Variants in RSF1 observed in about 807,000 individuals in gnomAD.
The protein encoded by RSF1 is remodeling and spacing factor 1.
Under a neutral mutation model 145.2 loss-of-function variants are expected in RSF1, and 13 were observed. The observed-to-expected ratio is 0.09, with a 90% confidence interval of 0.06 to 0.14. The LOEUF (loss-of-function observed/expected upper bound fraction) is 0.14. RSF1 is among the 10% of genes least tolerant of loss of function. RSF1 has a pLI of 1.00. For synonymous variants in RSF1, 577 were observed against 592.6 expected, an observed-to-expected ratio of 0.97 and a Z score of 0.38; for missense variants, 1,517 against 1,718.2, an observed-to-expected ratio of 0.88 and a Z score of 2.07.
chr11:77,802,872 A>C (rs1418932181), intron 1 of RSF1, among the ~76,000 whole-genome samples: 1 of 152,092 alleles, frequency 6.6e-6, no homozygotes, highest in African/African-American at 2.4e-5. Flanking sequence ...CAAGAAAAAA[A>C]CTTTCAACAA....
At chr11:77,727,673 T>G (rs539250415) in intron 4 of RSF1, among the ~76,000 whole-genome samples, 5 of 152,122 alleles carry the variant, frequency 3.3e-5, no homozygotes, top group African/African-American at 1.2e-4. Flanking sequence ...AGAGATGAGG[T>G]TTCACCATGT....
In RSF1 at chr11:77,663,365, C is replaced by G. The variant is rs1406440091; in HGVS notation, c.*3552G>C. The stretch of plus-strand genomic sequence containing the variant: ...GTCCATGTTTTTCTTAATATGTGTA[C>G]TTTGCTCAAATGTATATTATAGGAT... On this transcript the variant is annotated 3_prime_UTR_variant, in exon 16 of 16. Coordinates refer to ENST00000308488, the MANE Select transcript of RSF1 (RefSeq NM_016578.4). 2 of 152,100 alleles carry G rather than the reference C, an allele frequency of 1.3e-5. No individual in the cohort carries two copies. The highest frequency in any genetic ancestry group is 6.6e-5 in the Admixed American group (1 of 15,258). The allele number at this position is 152,100 out of a possible 1,614,324, so 9.4% of individuals were successfully genotyped here. A position where few individuals can be genotyped will look rare whatever the true frequency, so the allele number is the denominator to read the frequency against.
intron 4 of RSF1, chr11:77,735,083 C>A: frequency 4.0e-6 from 4 of 996,664 alleles, no homozygotes; most frequent in Non-Finnish European, 6.2e-6. Context: ...GCTGGGGCGG[C>A]GGCAGGGGCC....
the RSF1 span, among the ~76,000 whole-genome samples, chr11:77,847,965 G>A: frequency 0.34 from 52,166 of 151,870 alleles, 9,142 homozygotes; most frequent in East Asian, 0.46. Context: ...CAGAAAAAAA[G>A]AGGCAAATTC....
chr11:77,700,740 G>T lies in RSF1; in HGVS notation c.2489C>A (p.Thr830Lys), dbSNP rs139422111. 5 of 1,584,282 alleles carry T rather than the reference G, an allele frequency of 3.2e-6. No individual in the cohort carries two copies. The highest frequency in any genetic ancestry group is 2.6e-6 in the Non-Finnish European group (3 of 1,172,984). Residue 830 changes from threonine to lysine, a missense_variant, in exon 6 of 16, where the codon ACA becomes AAA. Transcript: ENST00000308488. ...KEILKKSEKD[T>K]NSKVSKVKPK... The stretch of plus-strand genomic sequence containing the variant: ...TTTTACCTTGCTTACTTTAGAATTT[G>T]TATCTTTCTCTGATTTTTTCAAAAT...
rs1340403412 is a variant in RSF1, at chr11:77,700,755, T to C, written c.2474A>G (p.Lys825Arg). The C allele has an allele frequency of 6.3e-7, 1 of 1,587,688 alleles. No individual in the cohort carries two copies. Among genetic ancestry groups the C allele is most frequent in the African/African-American group, 1.4e-5 (1 of 73,126 alleles). Residue 825 changes from lysine (K) to arginine (R), a missense_variant, in exon 6 of 16, where the codon AAA (lysine) becomes AGA (arginine). This residue lies in a region of RSF1 where 579 missense variants were observed against 553.5 expected (regional missense o/e 1.05). Coordinates refer to ENST00000308488, the MANE Select transcript of RSF1 (RefSeq NM_016578.4). The part of the protein sequence containing the change: ...QKTDKKEILK[K>R]SEKDTNSKVS... ...TTTAGAATTTGTATCTTTCTCTGAT[T>C]TTTTCAAAATTTCCTTTTTGTCAGT...
intron 8 of RSF1, among the ~76,000 whole-genome samples, chr11:77,692,087 C>T (rs190395459): frequency 2.0e-5 from 3 of 152,028 alleles, no homozygotes; most frequent in Non-Finnish European, 2.9e-5. Context: ...GATGGGATAT[C>T]GTCATGTTGG....
At chr11:77,768,841 ACTGT>A (rs948790009) in intron 1 of RSF1, among the ~76,000 whole-genome samples, 7 of 152,172 alleles carry the variant, frequency 4.6e-5, no homozygotes, top group African/African-American at 1.2e-4. Context: ...TTAAAACGGC[ACTGT>A]CTATTAAATA....
intron 6 of RSF1, among the ~76,000 whole-genome samples, chr11:77,699,934 A>G (rs1449357578): frequency 2.6e-5 from 4 of 152,218 alleles, no homozygotes; most frequent in African/African-American, 9.6e-5. Flanking sequence ...AAGGGATACT[A>G]TATCTACGGA....
the RSF1 span, among the ~76,000 whole-genome samples, chr11:77,871,437 C>G: frequency 6.6e-6 from 1 of 152,194 alleles, no homozygotes; most frequent in African/African-American, 2.4e-5. Flanking sequence ...AAACAAGGTT[C>G]ATGCCCCTCA....
intron 4 of RSF1, among the ~76,000 whole-genome samples, chr11:77,737,618 G>GC (rs1407467594): frequency 1.8e-5 from 2 of 113,020 alleles, no homozygotes; most frequent in Admixed American, 1.8e-4. Flanking sequence ...ATGTGTTTTG[G>GC]GGGGTGTGTG....
chr11:77,722,589 A>C (rs1960966692), intron 5 of RSF1, among the ~76,000 whole-genome samples: 1 of 152,224 alleles, frequency 6.6e-6, no homozygotes, highest in Non-Finnish European at 1.5e-5. Flanking sequence ...TCAGGCTTCA[A>C]ATCTAGACTC....
At chr11:77,754,309 T>C (rs1339933902) in intron 2 of RSF1, among the ~76,000 whole-genome samples, 6 of 152,124 alleles carry the variant, frequency 3.9e-5, no homozygotes, top group African/African-American at 7.2e-5. Context: ...CAATAAAAAG[T>C]TGACATTTGA....
upstream of RSF1, chr11:77,820,883 G>T: frequency 1.4e-6 from 1 of 706,246 alleles, no homozygotes; most frequent in Non-Finnish European, 2.3e-6. Context: ...TCGGCGGCCC[G>T]GAGCAGTCGA....
chr11:77,700,590 A>G, intron 6 of RSF1, 131 bp downstream of exon 6: 1 of 635,306 alleles, frequency 1.6e-6, no homozygotes, highest in Non-Finnish European at 2.6e-6. Flanking sequence ...ATAAAGTCTG[A>G]AAAGGTATCT....
intron 1 of RSF1, among the ~76,000 whole-genome samples, chr11:77,777,646 G>A (rs549825218): frequency 5.3e-5 from 8 of 152,008 alleles, no homozygotes; most frequent in Non-Finnish European, 1.2e-4. Flanking sequence ...TAAAGGTTCA[G>A]GAAAGCTGAG....
chr11:77,764,277 A>T (rs1314492338), intron 2 of RSF1: 1 of 222,738 alleles, frequency 4.5e-6, no homozygotes, highest in Non-Finnish European at 8.6e-6. Flanking sequence ...AAATGACAAC[A>T]TCCCTGAGCC....
At chr11:77,834,858 C>T in the RSF1 span, among the ~76,000 whole-genome samples, 3 of 152,224 alleles carry the variant, frequency 2.0e-5, no homozygotes, top group Non-Finnish European at 4.4e-5. Flanking sequence ...TTTCAAATCT[C>T]ACCTTTACCA....
chr11:77,735,256 C>G (rs575290747), intron 4 of RSF1, among the ~76,000 whole-genome samples: 11 of 152,298 alleles, frequency 7.2e-5, no homozygotes, highest in Admixed American at 4.6e-4. Context: ...ATTAATTTTG[C>G]AACTTGCAGA....
Sources: allele counts gnomAD v4.1 joint callset (sites outside exome capture counted in the v4.1 genomes callset), GRCh38; gene constraint gnomAD v4.1.1; regional missense constraint gnomAD v4.1.1; transcripts MANE v1.5; gene names NCBI Gene and HGNC (gene_info 2026-07-23, HGNC 2026-07-21).